PCDHA8: variants seen among roughly 807,000 people sequenced by gnomAD.
The protein encoded by PCDHA8 is protocadherin alpha 8.
A neutral mutation model predicts 61.8 loss-of-function variants in PCDHA8; 53 were observed. That is an observed-to-expected ratio of 0.86 (90% confidence interval 0.69 to 1.08). PCDHA8 has a LOEUF of 1.08. Ranked by LOEUF, PCDHA8 falls within the 50% of genes least tolerant of loss-of-function variation. PCDHA8 has a pLI of 0.00. For missense variants in PCDHA8, 1,293 were observed against 1,245.0 expected (o/e 1.04, Z -0.58); for synonymous variants, 618 against 556.6 (o/e 1.11, Z -1.55).
At chr5:140,928,855 C>T (rs781997277) in intron 1 of PCDHA8, 1 of 1,614,184 alleles carries the variant, frequency 6.2e-7, no homozygotes, top group Non-Finnish European at 8.5e-7. Context: ...TCTGGGTGTG[C>T]TGTTGAGCAA....
intron 1 of PCDHA8, among the ~76,000 whole-genome samples, chr5:140,951,417 C>G (rs1259525145): frequency 6.6e-6 from 1 of 152,044 alleles, no homozygotes; most frequent in Non-Finnish European, 1.5e-5. Context: ...AATTGGCTCA[C>G]AGTTCCACAG....
At chr5:140,860,140 T>C (rs1451807345) in intron 1 of PCDHA8, 2 of 150,358 alleles carry the variant, frequency 1.3e-5, no homozygotes, top group African/African-American at 2.4e-5. Flanking sequence ...TGTGTATATA[T>C]ATGTATATAT....
At position 140,945,888 on chromosome 5, in the gene PCDHA8, C is replaced by T. The variant is rs117232601; in HGVS notation, c.2395-33061C>T. Among the ~76,000 whole-genome samples, 21 of 152,006 alleles carry T rather than the reference C, an allele frequency of 1.4e-4. No homozygotes were observed. The East Asian group carries it at 2.9e-3, about 21-fold the overall frequency. On this transcript the variant is annotated intron_variant, in intron 1 of 3. Transcript: ENST00000531613. Reference sequence around the variant, plus strand: ...GAAATTGTAAAACTAACAAAGAAAACACAGTGGGAAAGATGAAAGATCAAT... The same window carrying T: ...GAAATTGTAAAACTAACAAAGAAAATACAGTGGGAAAGATGAAAGATCAAT...
chr5:140,948,403 T>A (rs2153683270), intron 1 of PCDHA8, among the ~76,000 whole-genome samples: 1 of 151,756 alleles, frequency 6.6e-6, no homozygotes, highest in Non-Finnish European at 1.5e-5. Context: ...GGTTGTGTAA[T>A]ATTGGTGTTA....
intron 3 of PCDHA8, among the ~76,000 whole-genome samples, chr5:140,985,608 G>T (rs76669319): frequency 6.6e-6 from 1 of 152,052 alleles, no homozygotes; most frequent in Non-Finnish European, 1.5e-5. Context: ...AGCCCTTTCC[G>T]TGAACCAGCT....
intron 1 of PCDHA8, chr5:140,968,630 TA>T: frequency 6.2e-7 from 1 of 1,614,192 alleles, no homozygotes; most frequent in Non-Finnish European, 8.5e-7. Flanking sequence ...TTGGCTTTTT[TA>T]CCATCTAGCC....
intron 1 of PCDHA8, chr5:140,882,766 G>C (rs782330844): frequency 6.2e-7 from 1 of 1,614,184 alleles, no homozygotes; most frequent in Non-Finnish European, 8.5e-7. Context: ...GAGTAAACTC[G>C]GCATTGACCT....
Position 141,007,689 on chromosome 5 carries a change from A to G in PCDHA8, c.2543-1938A>G, listed in dbSNP as rs545850175. Among the ~76,000 whole-genome samples the G allele has an allele frequency of 3.5e-4, 53 of 152,196 alleles. 1 individual carries two copies. Among genetic ancestry groups the G allele is most frequent in the African/African-American group, 1.3e-3 (52 of 41,536 alleles). On this transcript the variant is annotated intron_variant, in intron 3 of 3. Coordinates refer to ENST00000531613, the MANE Select transcript of PCDHA8 (RefSeq NM_018911.3). ...CAAAGACAAAAGTTATCCTACTTCC[A>G]CCTCCCTCCTCTGCCTCCCACCACC...
Position 140,883,565 on chromosome 5 carries a change from C to T in PCDHA8, c.2394+39850C>T, listed in dbSNP as rs139159217. On this transcript the variant is annotated intron_variant, in intron 1 of 3. Transcript: ENST00000531613. ...GGTGACCGCGCGGGACGGGGGCTCG[C>T]CTTCGCTGTGGGCCACGGCCAGCGT... is the stretch of plus-strand genomic sequence containing the variant. 6.5e-5 allele frequency: 105 copies of T among 1,614,180 alleles called. 1 individual carries two copies. In the African/African-American group the frequency reaches 1.3e-3, roughly 20 times the overall value.
chr5:140,903,859 T>C (rs2070674942), intron 1 of PCDHA8, among the ~76,000 whole-genome samples: 1 of 152,186 alleles, frequency 6.6e-6, no homozygotes, highest in Non-Finnish European at 1.5e-5. Context: ...ACAAATAATA[T>C]AGAGTAAAAT....
At chr5:140,877,091 C>G (rs782722834) in intron 1 of PCDHA8, 2 of 1,613,252 alleles carry the variant, frequency 1.2e-6, no homozygotes, top group African/African-American at 1.3e-5. Flanking sequence ...GCGCGCGACG[C>G]CGGCGTGCCG....
chr5:140,870,237 A>C, intron 1 of PCDHA8: 1 of 1,614,180 alleles, frequency 6.2e-7, no homozygotes, highest in South Asian at 1.1e-5. Flanking sequence ...ACCGTGACTC[A>C]GGTGTCAACG....
intron 1 of PCDHA8, chr5:140,968,131 G>A (rs1485866692): frequency 1.2e-6 from 2 of 1,614,042 alleles, no homozygotes; most frequent in African/African-American, 1.3e-5. Context: ...TGCGTACACT[G>A]AAGGTTGAGA....
chr5:140,842,408 G>T lies in PCDHA8; in HGVS notation c.1087G>T (p.Ala363Ser). 2.5e-6 allele frequency: 4 copies of T among 1,612,322 alleles called. No individual in the cohort carries two copies. The highest frequency in any genetic ancestry group is 3.4e-6 in the Non-Finnish European group (4 of 1,178,468). ...TSLSLPVRED[A>S]QFGTVIALIS... ...CTTATCCTTGCCTGTACGTGAAGAC[G>T]CTCAATTTGGTACTGTCATCGCCCT... Residue 363 changes from alanine (A) to serine (S), a missense_variant, in exon 1 of 4, where the codon GCT (alanine) becomes TCT (serine). Physicochemically the swap from Ala to Ser is moderately conservative, Grantham distance 99. Coordinates refer to ENST00000531613, the MANE Select transcript of PCDHA8 (RefSeq NM_018911.3).
intron 1 of PCDHA8, chr5:140,883,245 G>C: frequency 6.2e-7 from 1 of 1,614,016 alleles, no homozygotes; most frequent in South Asian, 1.1e-5. Context: ...GTTGACAAAG[G>C]AAATATTCCA....
At chr5:140,999,656 G>A (rs1483832540) in intron 3 of PCDHA8, among the ~76,000 whole-genome samples, 2 of 152,148 alleles carry the variant, frequency 1.3e-5, no homozygotes, top group African/African-American at 4.8e-5. Context: ...CCTGAGCCCT[G>A]CTGGGTTGCG....
chr5:140,951,683 A>G (rs1389313679), intron 1 of PCDHA8, among the ~76,000 whole-genome samples: 1 of 152,160 alleles, frequency 6.6e-6, no homozygotes, highest in Non-Finnish European at 1.5e-5. Flanking sequence ...TGGGGATTAC[A>G]ATGTGACATG....
intron 1 of PCDHA8, chr5:140,856,305 A>G (rs782323132): frequency 1.9e-6 from 3 of 1,598,594 alleles, no homozygotes; most frequent in Non-Finnish European, 2.6e-6. Flanking sequence ...TTGTTTGTGA[A>G]TTCTCGGATT....
At chr5:140,843,773 T>A in intron 1 of PCDHA8, 58 bp downstream of exon 1, 1 of 1,456,190 alleles carries the variant, frequency 6.9e-7, no homozygotes. Context: ...GTAGTTACTT[T>A]AAAAGTGTTT....
Sources: allele counts gnomAD v4.1 joint callset (sites outside exome capture counted in the v4.1 genomes callset), GRCh38; gene constraint gnomAD v4.1.1; transcripts MANE v1.5; gene names NCBI Gene and HGNC (gene_info 2026-07-23, HGNC 2026-07-21).